Variants in WWTR1 observed in about 807,000 individuals in gnomAD.
WWTR1 encodes the protein WW domain-containing transcription regulator protein 1.
WWTR1 carries 13 observed loss-of-function variants against 40.1 expected under a neutral mutation model. The ratio of observed to expected loss-of-function variants is 0.32; its 90% CI spans 0.21 to 0.52. The LOEUF (loss-of-function observed/expected upper bound fraction) is 0.52, where lower values mean the gene tolerates loss of function less well. WWTR1 is among the 20% of genes least tolerant of loss of function. The probability of loss-of-function intolerance (pLI) is 0.97; values close to 1 mark genes in which losing one functional copy is unlikely to be tolerated. For synonymous variants in WWTR1, 230 were observed against 210.1 expected, an observed-to-expected ratio of 1.09 and a Z score of -0.82; for missense variants, 436 against 523.1, an observed-to-expected ratio of 0.83 and a Z score of 1.63.
upstream of WWTR1, chr3:149,659,612 G>A (rs1713478789): frequency 6.6e-6 from 1 of 152,166 alleles, no homozygotes; most frequent in African/African-American, 2.4e-5. Flanking sequence ...TGGGATTACA[G>A]GCATGAGCCA....
At chr3:149,693,933 C>T (rs1311112285) in intron 1 of WWTR1, among the ~76,000 whole-genome samples, 1 of 151,964 alleles carries the variant, frequency 6.6e-6, no homozygotes, top group African/African-American at 2.4e-5. Flanking sequence ...TAAAAGAAAA[C>T]ATAGGAGAAA....
chr3:149,652,134 CGCCCG>C (rs887118884), intron 2 of WWTR1, among the ~76,000 whole-genome samples: 2 of 151,432 alleles, frequency 1.3e-5, no homozygotes, highest in African/African-American at 4.9e-5. Flanking sequence ...TGAGCCACTG[CGCCCG>C]GCCTTATGGA....
At chr3:149,633,221 G>A (rs553248226) in intron 2 of WWTR1, among the ~76,000 whole-genome samples, 16 of 151,896 alleles carry the variant, frequency 1.1e-4, no homozygotes, top group South Asian at 2.1e-4. Flanking sequence ...AGACCCCATC[G>A]CTACAAAAAT....
At chr3:149,588,115 T>C (rs190313716) in intron 2 of WWTR1, among the ~76,000 whole-genome samples, 259 of 152,344 alleles carry the variant, frequency 1.7e-3, no homozygotes, top group Non-Finnish European at 3.0e-3. Context: ...GACTAAGTTC[T>C]AGACAATGAA....
At chr3:149,603,065 T>C (rs1739318208) in intron 2 of WWTR1, among the ~76,000 whole-genome samples, 1 of 152,202 alleles carries the variant, frequency 6.6e-6, no homozygotes, top group East Asian at 1.9e-4. Flanking sequence ...TTTGCAAACT[T>C]CAAAAACTAT....
intron 3 of WWTR1, among the ~76,000 whole-genome samples, chr3:149,544,210 A>G (rs1275738253): frequency 6.6e-6 from 1 of 152,206 alleles, no homozygotes; most frequent in African/African-American, 2.4e-5. Context: ...ATATATGTGT[A>G]TATTTGAACG....
intron 2 of WWTR1, among the ~76,000 whole-genome samples, chr3:149,620,388 C>T (rs1299736733): frequency 1.3e-5 from 2 of 152,156 alleles, no homozygotes; most frequent in East Asian, 1.9e-4. Flanking sequence ...GAGGCAACCA[C>T]AGAATTCATC....
At chr3:149,599,485 CTT>C (rs1739148928) in intron 2 of WWTR1, among the ~76,000 whole-genome samples, 1 of 152,240 alleles carries the variant, frequency 6.6e-6, no homozygotes, top group Non-Finnish European at 1.5e-5. Context: ...AAGAGTAAGT[CTT>C]TGCGCAAGCA....
intron 2 of WWTR1, among the ~76,000 whole-genome samples, chr3:149,645,577 G>T (rs1441824830): frequency 6.6e-6 from 1 of 152,134 alleles, no homozygotes; most frequent in Non-Finnish European, 1.5e-5. Flanking sequence ...CAAAATAAAT[G>T]AAGTCAGTAA....
chr3:149,584,420 C>T (rs1447989890), intron 2 of WWTR1, among the ~76,000 whole-genome samples: 1 of 152,146 alleles, frequency 6.6e-6, no homozygotes, highest in Non-Finnish European at 1.5e-5. Flanking sequence ...TCTTTTTGCA[C>T]ATGTTTGAAA....
At chr3:149,641,529 C>T (rs368837968) in intron 2 of WWTR1, among the ~76,000 whole-genome samples, 51 of 152,270 alleles carry the variant, frequency 3.3e-4, no homozygotes, top group African/African-American at 1.2e-3. Context: ...TAACTAGGGC[C>T]GGCCAATTGT....
chr3:149,657,333 C>G (rs1385609156), intron 1 of WWTR1, 24 bp from the exon 2 acceptor site: 3 of 1,590,510 alleles, frequency 1.9e-6, no homozygotes, highest in African/African-American at 2.7e-5. Context: ...GTCAGATCAG[C>G]CTTTTATTTA....
intron 2 of WWTR1, among the ~76,000 whole-genome samples, chr3:149,614,170 A>G (rs930630108): frequency 6.6e-6 from 1 of 152,212 alleles, no homozygotes; most frequent in Admixed American, 6.5e-5. Flanking sequence ...CATGTGCAGC[A>G]TGACTTTTGG....
At chr3:149,568,696 C>T (rs1737471350) in intron 3 of WWTR1, among the ~76,000 whole-genome samples, 1 of 152,170 alleles carries the variant, frequency 6.6e-6, no homozygotes, top group African/African-American at 2.4e-5. Context: ...AGTAATGGGT[C>T]TTTCCTCTTG....
chr3:149,576,165 A>G (rs910519468), intron 2 of WWTR1: 1 of 452,828 alleles, frequency 2.2e-6, no homozygotes, highest in Non-Finnish European at 4.4e-6. Flanking sequence ...ATCAGCTGTA[A>G]GGCTGCGCTA....
intron 2 of WWTR1, among the ~76,000 whole-genome samples, chr3:149,578,772 C>T (rs1043756902): frequency 1.3e-5 from 2 of 151,932 alleles, no homozygotes; most frequent in South Asian, 2.1e-4. Context: ...TGGTGCTACT[C>T]GGGAGGCAGA....
At chr3:149,640,010 A>AAGAAAGAAAGAAAG in intron 2 of WWTR1, among the ~76,000 whole-genome samples, 1 of 140,416 alleles carries the variant, frequency 7.1e-6, no homozygotes, top group African/African-American at 3.1e-5. Flanking sequence ...AAAAAAAAAA[A>AAGAAAGAAAGAAAG]AAAGAAAGAA....
intron 2 of WWTR1, among the ~76,000 whole-genome samples, chr3:149,656,436 C>A (rs1442279806): frequency 6.6e-6 from 1 of 152,092 alleles, no homozygotes; most frequent in African/African-American, 2.4e-5. Context: ...AAACTGCAGA[C>A]CACCTACTTC....
intron 2 of WWTR1, among the ~76,000 whole-genome samples, chr3:149,652,872 A>G (rs1394876789): frequency 6.6e-6 from 1 of 152,086 alleles, no homozygotes; most frequent in African/African-American, 2.4e-5. Flanking sequence ...ATATGGGTAC[A>G]GTTGAAAAAA....
Sources: gnomAD v4.1 joint callset for allele counts (sites outside exome capture counted in the v4.1 genomes callset) on GRCh38, gnomAD v4.1.1 for gene constraint, MANE v1.5 for transcripts, NCBI Gene and HGNC (gene_info 2026-07-23, HGNC 2026-07-21) for gene names.